Variants in TMEM18 observed in about 807,000 individuals in gnomAD.
TMEM18 encodes the protein transmembrane protein 18.
Under a neutral mutation model 17.4 loss-of-function variants are expected in TMEM18, and 14 were observed. The observed-to-expected ratio is 0.80, with a 90% CI of 0.53 to 1.25. The LOEUF is 1.25. Among genes scored for constraint, TMEM18 ranks in the 50% most tolerant of loss-of-function variants. The probability of loss-of-function intolerance (pLI) is 0.00; values close to 1 mark genes in which losing one functional copy is unlikely to be tolerated. For missense variants in TMEM18, 187 were observed against 172.1 expected, an observed-to-expected ratio of 1.09 and a Z score of -0.48; for synonymous variants, 86 against 66.1, an observed-to-expected ratio of 1.30 and a Z score of -1.46.
In TMEM18 at chr2:669,779, A is replaced by G; in HGVS notation, c.305T>C (p.Leu102Pro). The change falls in exon 4 of 5, where the codon CTG becomes CCG. Residue 102 changes from leucine to proline, a missense_variant. Coordinates refer to ENST00000281017, the MANE Select transcript of TMEM18 (RefSeq NM_152834.4). Reference protein sequence around the residue: ...FISIVFSAPLLVNAMIIVVMW... With the variant: ...FISIVFSAPLPVNAMIIVVMW... ...TACCACAATGATCATGGCATTCACC[A>G]GCAGTGGGGCTGAAAATACTATAGA... 6.2e-7 allele frequency: 1 copy of G among 1,614,134 alleles called. No individual in the cohort carries two copies. The highest frequency in any genetic ancestry group is 8.5e-7 in the Non-Finnish European group (1 of 1,180,030).
intron 1 of TMEM18, 172 bp downstream of exon 1, chr2:677,117 G>GC: frequency 1.3e-6 from 1 of 775,302 alleles, no homozygotes; most frequent in Non-Finnish European, 2.0e-6. Flanking sequence ...CCCGACGCCG[G>GC]CCCCGAGCCA....
At position 667,538 on chromosome 2, in the gene TMEM18, C is replaced by A. The variant is rs907357355; in HGVS notation, c.*2042G>T. ...CCTGAAACCAGTGTGCTCTGTGCAACCCCCAGTGCTTTAAAGTGGGATTGC... is the reference window on the plus strand; with the variant it reads ...CCTGAAACCAGTGTGCTCTGTGCAAACCCCAGTGCTTTAAAGTGGGATTGC... On this transcript the variant is annotated 3_prime_UTR_variant, in exon 5 of 5. Coordinates refer to ENST00000281017, the MANE Select transcript of TMEM18 (RefSeq NM_152834.4). 1.3e-5 allele frequency: 2 copies of A among 152,146 alleles called. No individual in the cohort carries two copies. Among genetic ancestry groups the A allele is most frequent in the African/African-American group, 4.8e-5 (2 of 41,432 alleles). The allele number at this position is 152,146 out of a possible 1,614,324, so 9.4% of individuals were successfully genotyped here. A position where few individuals can be genotyped will look rare whatever the true frequency, so the allele number is the denominator to read the frequency against.
intron 1 of TMEM18, 181 bp from the exon 2 acceptor site, chr2:675,811 G>C: frequency 6.5e-7 from 1 of 1,530,312 alleles, no homozygotes; most frequent in Non-Finnish European, 8.7e-7. Context: ...ACAGGAAAGG[G>C]AGAAGGAACC....
At chr2:673,045 G>C (rs1368841266) in intron 2 of TMEM18, among the ~76,000 whole-genome samples, 183 bp from the exon 3 acceptor site, 1 of 152,196 alleles carries the variant, frequency 6.6e-6, no homozygotes, top group Non-Finnish European at 1.5e-5. Flanking sequence ...AGAAAATCAA[G>C]GCCAACAGTG....
chr2:671,249 G>A (rs1313907583), intron 3 of TMEM18, among the ~76,000 whole-genome samples: 2 of 152,144 alleles, frequency 1.3e-5, no homozygotes, highest in African/African-American at 2.4e-5. Flanking sequence ...GGAAGGGAGG[G>A]GCCAGAAAGG....
intron 1 of TMEM18, 140 bp from the exon 2 acceptor site, chr2:675,770 G>A (rs1185747543): frequency 5.2e-6 from 8 of 1,534,354 alleles, no homozygotes; most frequent in Non-Finnish European, 7.0e-6. Context: ...AGTATCCAGA[G>A]AGCATTGCCA....
chr2:671,389 C>G (rs369830279), intron 3 of TMEM18, among the ~76,000 whole-genome samples: 1 of 149,766 alleles, frequency 6.7e-6, no homozygotes, highest in Non-Finnish European at 1.5e-5. Context: ...GCCCTGCATC[C>G]GGGAGGAGAG....
Position 669,351 on chromosome 2 carries a change from GC to G in TMEM18, c.*228del. ...AAGCTCTGCAGAGACCGTTCCCACAGCCTGACTACAAAGATCAGGCACCTGA... is the reference window on the plus strand; with the variant it reads ...AAGCTCTGCAGAGACCGTTCCCACAGCTGACTACAAAGATCAGGCACCTGA... On this transcript the variant is annotated 3_prime_UTR_variant, in exon 5 of 5. Transcript: ENST00000281017. The G allele has an allele frequency of 1.8e-6, 1 of 564,680 alleles. No individual in the cohort carries two copies. The highest frequency in any genetic ancestry group is 3.1e-6 in the Non-Finnish European group (1 of 318,364). 35.0% of individuals were successfully genotyped at this position (564,680 alleles called of 1,614,324 possible). A position where few individuals can be genotyped will look rare whatever the true frequency, so the allele number is the denominator to read the frequency against.
intron 2 of TMEM18, among the ~76,000 whole-genome samples, chr2:673,558 G>A (rs1000150745): frequency 6.6e-6 from 1 of 152,168 alleles, no homozygotes; most frequent in Non-Finnish European, 1.5e-5. Flanking sequence ...AAAATGTGAT[G>A]CTTCAACTTC....
intron 1 of TMEM18, 195 bp downstream of exon 1, chr2:677,094 C>T: frequency 1.6e-6 from 1 of 632,702 alleles, no homozygotes; most frequent in South Asian, 2.0e-5. Context: ...GGACCCCGCC[C>T]ACAGCGCGCG....
At position 664,894 on chromosome 2, in the gene TMEM18, C is replaced by T. The variant is rs1157029648; in HGVS notation, c.*4686G>A. On this transcript the variant is annotated 3_prime_UTR_variant, in exon 5 of 5. Coordinates refer to ENST00000281017, the MANE Select transcript of TMEM18 (RefSeq NM_152834.4). ...TACGTAAATTCAGCCTATACCCCTA[C>T]AATGTGTTTACTATGCAGGCATTGA... Among the ~76,000 whole-genome samples, 1 of 152,164 alleles carries T rather than the reference C, an allele frequency of 6.6e-6. No individual in the cohort carries two copies. The highest frequency in any genetic ancestry group is 1.5e-5 in the Non-Finnish European group (1 of 68,036).
chr2:670,071 G>A (rs1678800534), intron 3 of TMEM18: 1 of 526,546 alleles, frequency 1.9e-6, no homozygotes, highest in Non-Finnish European at 3.4e-6. Flanking sequence ...ACAGGACAGG[G>A]AGACACCACC....
intron 2 of TMEM18, among the ~76,000 whole-genome samples, chr2:674,953 T>G (rs1410672071): frequency 2.6e-5 from 4 of 152,212 alleles, no homozygotes; most frequent in Non-Finnish European, 4.4e-5. Flanking sequence ...GCTGCTGCCC[T>G]CCCAGGGCCG....
chr2:671,183 G>A (rs780583568), intron 3 of TMEM18, among the ~76,000 whole-genome samples: 2 of 152,142 alleles, frequency 1.3e-5, no homozygotes, highest in African/African-American at 2.4e-5. Flanking sequence ...GAAACCCAGC[G>A]CTTTTGAAAC....
At chr2:672,952 A>G in intron 2 of TMEM18, 90 bp from the exon 3 acceptor site, 1 of 1,207,154 alleles carries the variant, frequency 8.3e-7, no homozygotes, top group Non-Finnish European at 1.1e-6. Flanking sequence ...AATACTGAAT[A>G]GAAATGTCAC....
intron 2 of TMEM18, among the ~76,000 whole-genome samples, chr2:674,456 C>G (rs1446619597): frequency 1.3e-5 from 2 of 152,180 alleles, no homozygotes; most frequent in East Asian, 1.9e-4. Context: ...TTTGGCTTTT[C>G]CATTGCAACA....
chr2:673,127 G>C (rs1225404588), intron 2 of TMEM18, among the ~76,000 whole-genome samples: 1 of 152,194 alleles, frequency 6.6e-6, no homozygotes, highest in African/African-American at 2.4e-5. Context: ...AGCTACTGCA[G>C]GAGCCGCCCG....
In TMEM18 at chr2:666,234, G is replaced by C. The variant is rs993548847; in HGVS notation, c.*3346C>G. Among the ~76,000 whole-genome samples, 4 of 152,224 alleles carry C rather than the reference G, an allele frequency of 2.6e-5. No homozygotes were observed. Among genetic ancestry groups the C allele is most frequent in the Non-Finnish European group, 5.9e-5 (4 of 68,034 alleles). On this transcript the variant is annotated 3_prime_UTR_variant, in exon 5 of 5. Transcript: ENST00000281017. ...AGGCAGTAGCCCTGAGGCTTACAGA[G>C]CAGACCCTATGGCCACATGCTTGGA...
rs988339199 is a variant in TMEM18 at position 664,003 on chromosome 2, T to A, written c.*5577A>T. Among the ~76,000 whole-genome samples the A allele has an allele frequency of 6.6e-6, 1 of 152,122 alleles. No individual in the cohort carries two copies. The highest frequency in any genetic ancestry group is 1.5e-5 in the Non-Finnish European group (1 of 68,018). ...AAATTCACAATTCCTAAGGTCCCCC[T>A]TTTTTTACCTGGATGCTTGAGCAAA... On this transcript the variant is annotated 3_prime_UTR_variant, in exon 5 of 5. Transcript: ENST00000281017.
Sources: allele counts gnomAD v4.1 joint callset (sites outside exome capture counted in the v4.1 genomes callset), GRCh38; gene constraint gnomAD v4.1.1; transcripts MANE v1.5; gene names NCBI Gene and HGNC (gene_info 2026-07-23, HGNC 2026-07-21).